Variants in ANKS1B observed in about 807,000 individuals in gnomAD.
The protein encoded by ANKS1B is ankyrin repeat and sterile alpha motif domain containing 1B, also known as ankyrin repeat and sterile alpha motif domain-containing protein 1B.
ANKS1B carries 36 observed loss-of-function variants against 148.3 expected under a neutral mutation model. The ratio of observed to expected loss-of-function variants is 0.24; its 90% CI spans 0.19 to 0.32. ANKS1B has a LOEUF of 0.32. Among genes scored for constraint, ANKS1B ranks in the 10% least tolerant of loss-of-function variants. The pLI is 1.00. For missense variants in ANKS1B, 1,157 were observed against 1,542.6 expected (o/e 0.75, Z 4.19); for synonymous variants, 542 against 560.8 (o/e 0.97, Z 0.47).
Position 98,744,073 on chromosome 12 carries a change from C to T in ANKS1B, c.*1666G>A. On this transcript the variant is annotated 3_prime_UTR_variant, in exon 27 of 27. Coordinates refer to ENST00000683438, the MANE Select transcript of ANKS1B (RefSeq NM_001352186.2). ...ATAACTGGAAGCCCAAGCTTATTTACACATATGCTTCTGTTTCAGCAAAGC... is the reference window on the plus strand; with the variant it reads ...ATAACTGGAAGCCCAAGCTTATTTATACATATGCTTCTGTTTCAGCAAAGC... 1.0e-6 allele frequency: 1 copy of T among 982,614 alleles called. No individual in the cohort carries two copies. Among genetic ancestry groups the T allele is most frequent in the Non-Finnish European group, 1.2e-6 (1 of 827,092 alleles). The allele number at this position is 982,614 out of a possible 1,614,324, so 60.9% of individuals were successfully genotyped here. A position where few individuals can be genotyped will look rare whatever the true frequency, so the allele number is the denominator to read the frequency against.
At chr12:99,815,841 A>C (rs1602761175) in intron 2 of ANKS1B, among the ~76,000 whole-genome samples, 1 of 151,790 alleles carries the variant, frequency 6.6e-6, no homozygotes, top group African/African-American at 2.4e-5. Flanking sequence ...TTTATGGCTG[A>C]GTAGTATTCC....
intron 8 of ANKS1B, among the ~76,000 whole-genome samples, chr12:99,699,848 G>T (rs535371354): frequency 6.6e-6 from 1 of 152,178 alleles, no homozygotes; most frequent in Admixed American, 6.5e-5. Flanking sequence ...TTGCCTTCAA[G>T]CATATTTAAA....
intron 17 of ANKS1B, among the ~76,000 whole-genome samples, chr12:98,931,939 GTGCA>G (rs2099814003): frequency 2.0e-5 from 3 of 152,156 alleles, no homozygotes; most frequent in Admixed American, 2.0e-4. Context: ...GAACACACCT[GTGCA>G]TTTGATCTTA....
At position 99,310,160 on chromosome 12, in the gene ANKS1B, A is replaced by G. The variant is rs1023890872; in HGVS notation, c.1757-63296T>C. On this transcript the variant is annotated intron_variant, in intron 12 of 26. Transcript: ENST00000683438. ...AAGCATAAATTATGTTTTATGACCAACCATCCCTTAAGAAATAATAACATG... is the reference window on the plus strand; with the variant it reads ...AAGCATAAATTATGTTTTATGACCAGCCATCCCTTAAGAAATAATAACATG... Among the ~76,000 whole-genome samples, 7 of 152,158 alleles carry G rather than the reference A, an allele frequency of 4.6e-5. No individual in the cohort carries two copies. The East Asian group carries it at 5.8e-4, about 13-fold the overall frequency.
intron 1 of ANKS1B, among the ~76,000 whole-genome samples, chr12:99,957,114 T>C (rs1194433181): frequency 6.6e-6 from 1 of 152,182 alleles, no homozygotes; most frequent in Non-Finnish European, 1.5e-5. Context: ...AGGAAAATAA[T>C]ATTTACCTTA....
chr12:98,816,538 C>T (rs1311396130), intron 19 of ANKS1B, among the ~76,000 whole-genome samples: 6 of 152,140 alleles, frequency 3.9e-5, no homozygotes, highest in South Asian at 4.1e-4. Flanking sequence ...AGGATCCCCT[C>T]GCCTCGGCCT....
intron 19 of ANKS1B, among the ~76,000 whole-genome samples, chr12:98,816,943 C>T (rs749832423): frequency 7.2e-5 from 11 of 151,810 alleles, no homozygotes; most frequent in Non-Finnish European, 2.9e-5. Flanking sequence ...ATGAATAGAG[C>T]CCTCCAGTCA....
At position 99,271,716 on chromosome 12, in the gene ANKS1B, G is replaced by C. The variant is rs867569879; in HGVS notation, c.1757-24852C>G. ...TATTTACTAAATGTTAAAAAGTATG[G>C]GCACTTAAAACTAGTTTGTCGAAGA... On this transcript the variant is annotated intron_variant, in intron 12 of 26. Coordinates refer to ENST00000683438, the MANE Select transcript of ANKS1B (RefSeq NM_001352186.2). 3.6e-4 allele frequency among the ~76,000 whole-genome samples: 44 copies of C among 123,770 alleles called. 1 individual carries two copies. The highest frequency in any genetic ancestry group is 5.0e-3 in the Middle Eastern group (1 of 200). The allele number at this position is 123,770 out of a possible 152,430, so 81.2% of individuals were successfully genotyped here. A position where few individuals can be genotyped will look rare whatever the true frequency, so the allele number is the denominator to read the frequency against.
chr12:99,500,886 A>G (rs181166783), intron 10 of ANKS1B, among the ~76,000 whole-genome samples: 71 of 152,238 alleles, frequency 4.7e-4, no homozygotes, highest in Middle Eastern at 3.4e-3. Context: ...ACTTTGCAGT[A>G]TATCTTTCAA....
chr12:99,312,339 T>G (rs776183810), intron 12 of ANKS1B, among the ~76,000 whole-genome samples: 1 of 152,188 alleles, frequency 6.6e-6, no homozygotes, highest in African/African-American at 2.4e-5. Flanking sequence ...AGTGTTCACA[T>G]AACTATTATC....
intron 12 of ANKS1B, among the ~76,000 whole-genome samples, chr12:99,381,412 G>A (rs980372676): frequency 6.6e-5 from 10 of 152,134 alleles, no homozygotes; most frequent in African/African-American, 2.2e-4. Flanking sequence ...ATCATCCAAC[G>A]CACTGTGTAG....
intron 15 of ANKS1B, among the ~76,000 whole-genome samples, chr12:99,118,175 T>C (rs2061863158): frequency 6.6e-6 from 1 of 152,238 alleles, no homozygotes; most frequent in Non-Finnish European, 1.5e-5. Context: ...GCAAAAACGC[T>C]AAATTCTAGA....
intron 12 of ANKS1B, among the ~76,000 whole-genome samples, chr12:99,298,957 T>C (rs1364072959): frequency 1.3e-5 from 2 of 152,202 alleles, no homozygotes; most frequent in East Asian, 3.8e-4. Context: ...AATTTCGGTC[T>C]CTGTGAATCT....
rs1055568533 is a variant in ANKS1B, at chr12:98,794,844, G to C, written c.3342+4090C>G. ...AAAATAAAGAGCTACAGAAAGTTCA[G>C]GATATCAAAGAAGTCAAGCAAAACA... On this transcript the variant is annotated intron_variant, in intron 22 of 26. Coordinates refer to ENST00000683438, the MANE Select transcript of ANKS1B (RefSeq NM_001352186.2). The C allele has an allele frequency of 5.6e-6, 9 of 1,602,198 alleles. No homozygotes were observed. In the African/African-American group the frequency reaches 1.1e-4, roughly 19 times the overall value.
At chr12:99,711,229 C>T (rs2056590827) in intron 8 of ANKS1B, among the ~76,000 whole-genome samples, 1 of 152,118 alleles carries the variant, frequency 6.6e-6, no homozygotes, top group African/African-American at 2.4e-5. Flanking sequence ...AACTGGAATG[C>T]ACCATGCTAA....
intron 1 of ANKS1B, among the ~76,000 whole-genome samples, chr12:99,898,510 G>T (rs1004110668): frequency 6.6e-6 from 1 of 152,154 alleles, no homozygotes; most frequent in Non-Finnish European, 1.5e-5. Flanking sequence ...TTCTGTGAGT[G>T]TCCAGCCCTG....
At chr12:99,115,212 A>G (rs571281116) in intron 15 of ANKS1B, among the ~76,000 whole-genome samples, 1 of 152,312 alleles carries the variant, frequency 6.6e-6, no homozygotes, top group East Asian at 1.9e-4. Flanking sequence ...CAAAAACAGA[A>G]TCAACTTAAA....
intron 14 of ANKS1B, among the ~76,000 whole-genome samples, chr12:99,216,807 T>A (rs4762565): frequency 6.6e-6 from 1 of 152,162 alleles, no homozygotes; most frequent in Non-Finnish European, 1.5e-5. Flanking sequence ...CATATGGCTG[T>A]CCAGCCAAAG....
At chr12:99,842,381 A>G (rs1008604977) in intron 1 of ANKS1B, among the ~76,000 whole-genome samples, 1 of 152,108 alleles carries the variant, frequency 6.6e-6, no homozygotes, top group Admixed American at 6.6e-5. Flanking sequence ...ACATGTGACA[A>G]AAGTTCTTTG....
Sources: allele counts gnomAD v4.1 joint callset (sites outside exome capture counted in the v4.1 genomes callset), GRCh38; gene constraint gnomAD v4.1.1; transcripts MANE v1.5; gene names NCBI Gene and HGNC (gene_info 2026-07-23, HGNC 2026-07-21).